Variants in STMN1 observed in about 807,000 individuals in gnomAD.
STMN1 encodes the protein stathmin 1, also known as stathmin.
Under a neutral mutation model 19.7 loss-of-function variants are expected in STMN1, and 3 were observed. That is an observed-to-expected ratio of 0.15 (90% CI 0.07 to 0.39). The LOEUF (loss-of-function observed/expected upper bound fraction) is 0.39. Among genes scored for constraint, STMN1 ranks in the 10% least tolerant of loss-of-function variants. STMN1 has a pLI of 1.00. For synonymous variants in STMN1, 59 were observed against 58.9 expected (o/e 1.00, Z -0.01); for missense variants, 99 against 176.0 (o/e 0.56, Z 2.48).
intron 4 of STMN1, among the ~76,000 whole-genome samples, chr1:25,888,303 C>T (rs908149758): frequency 6.6e-6 from 1 of 152,170 alleles, no homozygotes; most frequent in South Asian, 2.1e-4. Context: ...ATCACCTGTT[C>T]ACACCTCATA....
At chr1:25,901,743 C>G (rs547710396) in intron 3 of STMN1, 61 bp from the exon 4 acceptor site, 1 of 1,511,760 alleles carries the variant, frequency 6.6e-7, no homozygotes, top group Non-Finnish European at 8.9e-7. Context: ...GGTGTGGTGG[C>G]TCACGCCTGT....
At chr1:25,905,716 A>T (rs926332795) in intron 1 of STMN1, 2 of 149,438 alleles carry the variant, frequency 1.3e-5, no homozygotes, top group Non-Finnish European at 3.0e-5. Context: ...GCCCCCCCCA[A>T]CTCCCGCCAA....
downstream of STMN1, among the ~76,000 whole-genome samples, chr1:25,895,585 G>A (rs1000562532): frequency 6.6e-6 from 1 of 152,168 alleles, no homozygotes; most frequent in Non-Finnish European, 1.5e-5. Context: ...CGCCTCAAGG[G>A]GGCAGCAACT....
intron 4 of STMN1, among the ~76,000 whole-genome samples, chr1:25,889,663 G>T (rs962440928): frequency 6.6e-6 from 1 of 152,026 alleles, no homozygotes; most frequent in Admixed American, 6.6e-5. Context: ...TCTCCTTACC[G>T]TCCATTCTCC....
intron 4 of STMN1, among the ~76,000 whole-genome samples, chr1:25,886,579 CTT>C (rs34974254): frequency 4.1e-3 from 386 of 94,358 alleles, no homozygotes; most frequent in African/African-American, 0.016. Context: ...ACCCCCACCA[CTT>C]TTTTTTTTTT....
In STMN1 at chr1:25,900,735, C is replaced by A; in HGVS notation, c.*281G>T. On this transcript the variant is annotated 3_prime_UTR_variant, in exon 5 of 5. Coordinates refer to ENST00000455785, the MANE Select transcript of STMN1 (RefSeq NM_005563.4). ...TTTCACAGAGCCAATACAGTACTAG[C>A]CATTAACCCAGTACACCAAGTGTAC... 8.1e-7 allele frequency: 1 copy of A among 1,234,550 alleles called. No individual in the cohort carries two copies. Among genetic ancestry groups the A allele is most frequent in the African/African-American group, 1.5e-5 (1 of 64,832 alleles). The allele number at this position is 1,234,550 out of a possible 1,614,324, so 76.5% of individuals were successfully genotyped here.
chr1:25,890,525 T>A (rs1026881690), intron 4 of STMN1, among the ~76,000 whole-genome samples: 3 of 152,204 alleles, frequency 2.0e-5, no homozygotes, highest in Non-Finnish European at 4.4e-5. Flanking sequence ...TATCTGCACA[T>A]GAAGTTCCCT....
chr1:25,889,512 CAA>C (rs1330980703), intron 4 of STMN1, among the ~76,000 whole-genome samples: 1 of 151,680 alleles, frequency 6.6e-6, no homozygotes, highest in Non-Finnish European at 1.5e-5. Flanking sequence ...GGGAAAAGCC[CAA>C]GAGTCAGCCC....
chr1:25,900,073 A>G, downstream of STMN1: 1 of 985,432 alleles, frequency 1.0e-6, no homozygotes, highest in Non-Finnish European at 1.2e-6. Flanking sequence ...GTCAAATGCT[A>G]CTTTAGAAAT....
chr1:25,887,389 C>T (rs72881367), intron 4 of STMN1: 9,267 of 311,220 alleles, frequency 0.03, 760 homozygotes, highest in African/African-American at 0.18. Flanking sequence ...CCGAAGCTTT[C>T]CTCAGTGGGT....
At chr1:25,893,102 TTTATA>T (rs1225849992) in intron 4 of STMN1, among the ~76,000 whole-genome samples, 1 of 152,236 alleles carries the variant, frequency 6.6e-6, no homozygotes, top group Non-Finnish European at 1.5e-5. Flanking sequence ...AAATGGTACA[TTTATA>T]TTATCTATAT....
At chr1:25,887,484 C>A in intron 4 of STMN1, 1 of 357,104 alleles carries the variant, frequency 2.8e-6, no homozygotes, top group Non-Finnish European at 5.5e-6. Context: ...CATGAACATG[C>A]AGCTTGCAAA....
chr1:25,903,612 T>A, intron 3 of STMN1, 29 bp downstream of exon 3: 1 of 1,608,548 alleles, frequency 6.2e-7, no homozygotes, highest in Non-Finnish European at 8.5e-7. Flanking sequence ...TAAATTAATA[T>A]CCTGCTTTCT....
chr1:25,900,989 G>A lies in STMN1; in HGVS notation c.*27C>T. On this transcript the variant is annotated 3_prime_UTR_variant, in exon 5 of 5. Transcript: ENST00000455785. Reference sequence around the variant, plus strand: ...GTCTTTGGATATTTAGGAAGGGGATGGGGAGAAAGTCAGTTCTCAGAACAA... The same window carrying A: ...GTCTTTGGATATTTAGGAAGGGGATAGGGAGAAAGTCAGTTCTCAGAACAA... 1 of 1,612,732 alleles carries A rather than the reference G, an allele frequency of 6.2e-7. No homozygotes were observed. The highest frequency in any genetic ancestry group is 8.5e-7 in the Non-Finnish European group (1 of 1,179,574).
intron 4 of STMN1, among the ~76,000 whole-genome samples, chr1:25,890,225 G>A (rs1340307570): frequency 6.6e-6 from 1 of 152,176 alleles, no homozygotes; most frequent in African/African-American, 2.4e-5. Flanking sequence ...GAAGGAGCTT[G>A]GGGAAGGGGA....
Position 25,903,646 on chromosome 1 carries a change from G to A in STMN1, c.181C>T (p.Arg61Cys), listed in dbSNP as rs2048902055. The A allele has an allele frequency of 6.2e-7, 1 of 1,612,016 alleles. No individual in the cohort carries two copies. The highest frequency in any genetic ancestry group is 8.5e-7 in the Non-Finnish European group (1 of 1,179,848). Residue 61 changes from arginine to cysteine, a missense_variant, in exon 3 of 5, where the codon CGC becomes TGC. Arg to Cys is a radical substitution (Grantham distance 180). Coordinates refer to ENST00000455785, the MANE Select transcript of STMN1 (RefSeq NM_005563.4). Reference protein sequence around the residue: ...QKKLEAAEERRKSHEAEVLKQ... With the variant: ...QKKLEAAEERCKSHEAEVLKQ... ...CTGTGAATTGCTTCGTTTACCTTGCGTCTTTCTTCTGCAGCTTCTAATTTC... is the reference window on the plus strand; with the variant it reads ...CTGTGAATTGCTTCGTTTACCTTGCATCTTTCTTCTGCAGCTTCTAATTTC...
At chr1:25,895,177 A>G (rs2048808201), downstream of STMN1, among the ~76,000 whole-genome samples, 1 of 140,346 alleles carries the variant, frequency 7.1e-6, no homozygotes, top group Middle Eastern at 3.8e-3. Context: ...ATCTATGCTC[A>G]CTGCAACCTC....
In STMN1 at chr1:25,903,707, T is replaced by C; in HGVS notation, c.120A>G (p.Pro40=). 6.2e-7 allele frequency: 1 copy of C among 1,613,934 alleles called. No homozygotes were observed. The highest frequency in any genetic ancestry group is 8.5e-7 in the Non-Finnish European group (1 of 1,180,030). The part of the protein sequence containing the change: ...ESVPEFPLSP[P]KKKDLSLEEI... ...CCTCCAGGGAAAGATCCTTCTTCTTTGGAGGGGAAAGGGGGAATTCTGGAA... is the reference window on the plus strand; with the variant it reads ...CCTCCAGGGAAAGATCCTTCTTCTTCGGAGGGGAAAGGGGGAATTCTGGAA... The change falls in exon 3 of 5, where the codon CCA becomes CCG. Residue 40 remains proline, a synonymous_variant. Transcript: ENST00000455785.
chr1:25,904,785 A>G (rs1278819550), intron 1 of STMN1, 47 bp from the exon 2 acceptor site: 18 of 1,505,312 alleles, frequency 1.2e-5, no homozygotes, highest in Non-Finnish European at 1.4e-5. Context: ...TTGCCTTTCT[A>G]TATGTCATCA....
Sources: allele counts gnomAD v4.1 joint callset (sites outside exome capture counted in the v4.1 genomes callset), GRCh38; gene constraint gnomAD v4.1.1; transcripts MANE v1.5; gene names NCBI Gene and HGNC (gene_info 2026-07-23, HGNC 2026-07-21).